Variants in ELMO1 observed in about 807,000 individuals in gnomAD.
ELMO1 encodes the protein engulfment and cell motility protein 1.
In ELMO1, 26 loss-of-function variants were observed where a neutral mutation model predicts 98.9. The ratio of observed to expected loss-of-function variants is 0.26; its 90% CI spans 0.19 to 0.36. ELMO1 has a LOEUF of 0.36. ELMO1 is among the 10% of genes least tolerant of loss of function. The pLI is 1.00. For synonymous variants in ELMO1, 346 were observed against 346.0 expected, an observed-to-expected ratio of 1.00 and a Z score of 0.00; for missense variants, 627 against 935.2, an observed-to-expected ratio of 0.67 and a Z score of 4.30.
chr7:37,014,193 C>T (rs1351727102), intron 15 of ELMO1, among the ~76,000 whole-genome samples: 1 of 152,052 alleles, frequency 6.6e-6, no homozygotes, highest in African/African-American at 2.4e-5. Flanking sequence ...CCTCCTCAGC[C>T]CCTCCCATCA....
intron 15 of ELMO1, among the ~76,000 whole-genome samples, chr7:37,094,053 C>T (rs78164184): frequency 0.018 from 2,668 of 152,280 alleles, 35 homozygotes; most frequent in Non-Finnish European, 0.027. Context: ...GGGACAAGGA[C>T]CATATCTGGT....
intron 15 of ELMO1, among the ~76,000 whole-genome samples, chr7:37,045,064 C>T (rs1217493845): frequency 6.6e-6 from 1 of 152,132 alleles, no homozygotes; most frequent in East Asian, 1.9e-4. Context: ...AATAGAGACC[C>T]TTAGAAAGAG....
chr7:37,142,895 A>G (rs1787730450), intron 13 of ELMO1, among the ~76,000 whole-genome samples: 1 of 152,174 alleles, frequency 6.6e-6, no homozygotes, highest in Non-Finnish European at 1.5e-5. Context: ...GATGGAGGAG[A>G]AGATCCCATG....
intron 17 of ELMO1, among the ~76,000 whole-genome samples, chr7:36,888,992 C>G (rs1009602783): frequency 1.2e-4 from 18 of 152,202 alleles, no homozygotes; most frequent in Non-Finnish European, 2.4e-4. Context: ...TCATTCCCAT[C>G]ATTCCCATCT....
intron 18 of ELMO1, 63 bp from the exon 19 acceptor site, chr7:36,878,180 T>A: frequency 7.9e-7 from 1 of 1,269,248 alleles, no homozygotes. Flanking sequence ...ACTAGCCTGG[T>A]TATTTCTTAA....
chr7:36,939,776 T>C (rs905612995), intron 16 of ELMO1, among the ~76,000 whole-genome samples: 14 of 152,206 alleles, frequency 9.2e-5, no homozygotes, highest in Admixed American at 2.6e-4. Flanking sequence ...CCCTCCTGCT[T>C]TCACTGCTCA....
At chr7:37,145,241 C>T (rs1417852354) in intron 13 of ELMO1, among the ~76,000 whole-genome samples, 1 of 152,206 alleles carries the variant, frequency 6.6e-6, no homozygotes, top group African/African-American at 2.4e-5. Flanking sequence ...GAGAGGATAG[C>T]TCATCTCAAA....
In ELMO1 at chr7:37,248,441, G is replaced by A. The variant is rs552783169; in HGVS notation, c.414-4050C>T. Among the ~76,000 whole-genome samples the A allele has an allele frequency of 6.6e-4, 101 of 152,270 alleles. 1 individual carries two copies. The highest frequency in any genetic ancestry group is 2.2e-3 in the African/African-American group (92 of 41,538). On this transcript the variant is annotated intron_variant, in intron 6 of 21. Transcript: ENST00000310758. ...CGCACAGAGAAAGCAAAAGGAGTGA[G>A]GAGGGGGCAGATCCTGTTTAGGGAA...
chr7:37,234,303 A>G (rs1290507634), intron 7 of ELMO1, among the ~76,000 whole-genome samples: 2 of 152,226 alleles, frequency 1.3e-5, no homozygotes, highest in East Asian at 1.9e-4. Context: ...ACATATTTAG[A>G]TTGAACCTTC....
At chr7:37,280,154 G>A (rs552865184) in intron 4 of ELMO1, among the ~76,000 whole-genome samples, 12 of 152,182 alleles carry the variant, frequency 7.9e-5, no homozygotes, top group African/African-American at 2.4e-4. Context: ...GCCATATGTC[G>A]GAGAATGAAA....
intron 17 of ELMO1, among the ~76,000 whole-genome samples, chr7:36,889,847 C>A (rs1444266266): frequency 1.3e-5 from 2 of 152,130 alleles, no homozygotes; most frequent in African/African-American, 4.8e-5. Context: ...CAAAGGACTA[C>A]AAAACATGAC....
At chr7:37,255,316 G>A (rs1795582889) in intron 6 of ELMO1, among the ~76,000 whole-genome samples, 1 of 152,206 alleles carries the variant, frequency 6.6e-6, no homozygotes, top group Non-Finnish European at 1.5e-5. Flanking sequence ...GACAGAGAGA[G>A]AAGGCAGCCA....
intron 16 of ELMO1, among the ~76,000 whole-genome samples, chr7:36,952,892 C>T (rs765071256): frequency 1.3e-4 from 20 of 151,176 alleles, no homozygotes; most frequent in Non-Finnish European, 2.8e-4. Flanking sequence ...AGGTGACCCA[C>T]TGGAGAGTGA....
chr7:36,909,261 G>A (rs1309234136), intron 16 of ELMO1, among the ~76,000 whole-genome samples: 1 of 152,176 alleles, frequency 6.6e-6, no homozygotes, highest in Admixed American at 6.5e-5. Flanking sequence ...AATAAGAAAG[G>A]TGTTTATTAT....
rs546611314 is a variant in ELMO1 at position 37,376,003 on chromosome 7, C to T, written c.-73-33240G>A. On this transcript the variant is annotated intron_variant, in intron 1 of 21. Coordinates refer to ENST00000310758, the MANE Select transcript of ELMO1 (RefSeq NM_014800.11). ...GTTTAGAGGAGGATTTGGTTGTGAA[C>T]ATGGTCAGCCACCTCAGTAAAACTG... is the stretch of plus-strand genomic sequence containing the variant. The T allele has an allele frequency of 1.4e-5, 7 of 511,340 alleles. No individual in the cohort carries two copies. In the Admixed American group the frequency reaches 2.0e-4, roughly 15 times the overall value. 31.7% of individuals were successfully genotyped at this position (511,340 alleles called of 1,614,324 possible). A position where few individuals can be genotyped will look rare whatever the true frequency, so the allele number is the denominator to read the frequency against.
chr7:37,263,318 G>A (rs117185108), intron 5 of ELMO1, among the ~76,000 whole-genome samples: 1,896 of 151,622 alleles, frequency 0.013, 18 homozygotes, highest in South Asian at 0.023. Context: ...TTATCCAGTG[G>A]AAAGGAATGT....
chr7:37,119,193 A>C (rs1026682937), intron 14 of ELMO1, among the ~76,000 whole-genome samples: 15 of 152,220 alleles, frequency 9.9e-5, no homozygotes, highest in Admixed American at 1.3e-4. Context: ...CCCTGACTGG[A>C]AAGGCTGAAA....
chr7:37,357,037 T>A (rs2131315335), intron 1 of ELMO1, among the ~76,000 whole-genome samples: 1 of 152,290 alleles, frequency 6.6e-6, no homozygotes, highest in Admixed American at 6.5e-5. Flanking sequence ...AATAAGAATC[T>A]GAACCAACAG....
At chr7:37,289,787 A>T (rs1797581877) in intron 4 of ELMO1, among the ~76,000 whole-genome samples, 1 of 150,672 alleles carries the variant, frequency 6.6e-6, no homozygotes. Context: ...TTTTTTTGCC[A>T]GGAGTGAAAT....
Sources: gnomAD v4.1 joint callset for allele counts (sites outside exome capture counted in the v4.1 genomes callset) on GRCh38, gnomAD v4.1.1 for gene constraint, MANE v1.5 for transcripts, NCBI Gene and HGNC (gene_info 2026-07-23, HGNC 2026-07-21) for gene names.